PLPPR5: variants seen among roughly 807,000 people sequenced by gnomAD.
The protein encoded by PLPPR5 is phospholipid phosphatase related 5, also known as phospholipid phosphatase-related protein type 5.
A neutral mutation model predicts 33.9 loss-of-function variants in PLPPR5; 16 were observed. The ratio of observed to expected loss-of-function variants is 0.47; its 90% CI spans 0.32 to 0.72. PLPPR5 has a LOEUF of 0.72. PLPPR5 is among the 30% of genes least tolerant of loss of function. PLPPR5 has a pLI of 0.03. For synonymous variants in PLPPR5, 163 were observed against 150.3 expected, an observed-to-expected ratio of 1.08 and a Z score of -0.62; for missense variants, 301 against 406.7, an observed-to-expected ratio of 0.74 and a Z score of 2.23.
chr1:98,928,548 C>CATATAT (rs60624111), intron 3 of PLPPR5, among the ~76,000 whole-genome samples: 2,064 of 73,840 alleles, frequency 0.028, 200 homozygotes, highest in African/African-American at 0.075. Context: ...AGTTTTAAAT[C>CATATAT]ATATATATAT....
intron 3 of PLPPR5, among the ~76,000 whole-genome samples, chr1:98,922,493 A>G (rs1202255978): frequency 6.6e-6 from 1 of 152,172 alleles, no homozygotes; most frequent in Non-Finnish European, 1.5e-5. Flanking sequence ...CCATATTTAG[A>G]GGACACATAC....
chr1:98,905,984 G>A (rs1182468178), intron 5 of PLPPR5, among the ~76,000 whole-genome samples: 1 of 152,024 alleles, frequency 6.6e-6, no homozygotes, highest in Non-Finnish European at 1.5e-5. Context: ...TGCATCCAAT[G>A]TTATGCAGAC....
chr1:98,940,363 C>T (rs1175357427), intron 3 of PLPPR5, among the ~76,000 whole-genome samples: 1 of 151,908 alleles, frequency 6.6e-6, no homozygotes, highest in East Asian at 1.9e-4. Flanking sequence ...GGCCTTACCC[C>T]TTCATGATCT....
At chr1:98,952,426 G>A (rs1650824668) in intron 3 of PLPPR5, among the ~76,000 whole-genome samples, 1 of 152,146 alleles carries the variant, frequency 6.6e-6, no homozygotes, top group African/African-American at 2.4e-5. Context: ...TGCCAAAGCT[G>A]CCCTTCTTTT....
chr1:98,902,093 C>A (rs1343784222), intron 5 of PLPPR5, among the ~76,000 whole-genome samples: 3 of 152,100 alleles, frequency 2.0e-5, no homozygotes, highest in Non-Finnish European at 1.5e-5. Flanking sequence ...ATTACTTAAC[C>A]TATGTCCCTT....
At chr1:98,909,050 TAGAAAGAAGGAAA>T (rs959356735) in intron 5 of PLPPR5, among the ~76,000 whole-genome samples, 2 of 151,078 alleles carry the variant, frequency 1.3e-5, no homozygotes, top group African/African-American at 4.9e-5. Flanking sequence ...TATTTCATTG[TAGAAAGAAGGAAA>T]AGAAGGAAGG....
At chr1:98,920,228 G>C (rs1649495610) in intron 4 of PLPPR5, among the ~76,000 whole-genome samples, 1 of 152,070 alleles carries the variant, frequency 6.6e-6, no homozygotes, top group South Asian at 2.1e-4. Flanking sequence ...TGGAAGTATA[G>C]GGAAGGTGGC....
rs79491927 is a variant in PLPPR5, at chr1:98,916,747, C to A, written c.799-1827G>T. On this transcript the variant is annotated intron_variant, in intron 4 of 5. Transcript: ENST00000263177. ...GCCAACAATAACAACGATGATTATT[C>A]TTCTTACTCTTAGTATTTTAATTAT... is the stretch of plus-strand genomic sequence containing the variant. 7.5e-3 allele frequency among the ~76,000 whole-genome samples: 1,142 copies of A among 152,248 alleles called. 13 individuals carry two copies. Among genetic ancestry groups the A allele is most frequent in the African/African-American group, 0.025 (1,038 of 41,544 alleles).
chr1:98,972,508 C>T (rs1375230834), intron 1 of PLPPR5, among the ~76,000 whole-genome samples: 3 of 151,924 alleles, frequency 2.0e-5, no homozygotes, highest in African/African-American at 7.3e-5. Flanking sequence ...TGTTTAAAGC[C>T]TATTTAACAT....
chr1:98,911,539 A>T (rs1649149089), intron 5 of PLPPR5, among the ~76,000 whole-genome samples: 1 of 152,186 alleles, frequency 6.6e-6, no homozygotes, highest in South Asian at 2.1e-4. Flanking sequence ...CTTTTAAATA[A>T]TTTAATAGAT....
At chr1:98,989,321 G>T (rs76122541) in intron 1 of PLPPR5, among the ~76,000 whole-genome samples, 1,770 of 151,960 alleles carry the variant, frequency 0.012, 20 homozygotes, top group African/African-American at 0.023. Flanking sequence ...TACTCTCCTT[G>T]GTATACTGTA....
intron 5 of PLPPR5, among the ~76,000 whole-genome samples, chr1:98,902,863 G>T (rs1297259148): frequency 6.6e-6 from 1 of 152,110 alleles, no homozygotes; most frequent in Non-Finnish European, 1.5e-5. Context: ...AGATGAGAAA[G>T]CTTCTAGTCT....
At position 99,004,421 on chromosome 1, in the gene PLPPR5, GC is replaced by G. The variant is rs768804042; in HGVS notation, c.237+13del. The G allele has an allele frequency of 2.5e-6, 4 of 1,578,350 alleles. No individual in the cohort carries two copies. The South Asian group carries it at 3.4e-5, about 13-fold the overall frequency. On this transcript the variant is annotated intron_variant, in intron 1 of 5. Coordinates refer to ENST00000263177, the MANE Select transcript of PLPPR5 (RefSeq NM_001037317.2). ...CAGGGACTCGGCGACGAGGGCGAGC[GC>G]CCCCGGGCTTACCACGAGCACGGGG...
intron 3 of PLPPR5, among the ~76,000 whole-genome samples, chr1:98,946,317 C>T (rs143153945): frequency 5.6e-4 from 85 of 152,260 alleles, no homozygotes; most frequent in Non-Finnish European, 1.0e-3. Flanking sequence ...GGAATTGAAT[C>T]AAACACAGCC....
chr1:98,903,046 T>C (rs967179675), intron 5 of PLPPR5, among the ~76,000 whole-genome samples: 1 of 152,084 alleles, frequency 6.6e-6, no homozygotes, highest in Non-Finnish European at 1.5e-5. Context: ...GGCAAAATAA[T>C]AACAGAATGT....
At chr1:98,898,020 C>A (rs947659565) in intron 5 of PLPPR5, among the ~76,000 whole-genome samples, 1 of 151,970 alleles carries the variant, frequency 6.6e-6, no homozygotes, top group Admixed American at 6.6e-5. Flanking sequence ...AAATAAAGCT[C>A]ACTATTTGAA....
rs1490857112 is a variant in PLPPR5 at position 98,914,797 on chromosome 1, T to C, written c.922A>G (p.Thr308Ala). 5 of 1,612,734 alleles carry C rather than the reference T, an allele frequency of 3.1e-6. No homozygotes were observed. The highest frequency in any genetic ancestry group is 3.4e-6 in the Non-Finnish European group (4 of 1,179,456). The change falls in exon 5 of 6, where the codon ACA becomes GCA. Residue 308 changes from threonine to alanine, a missense_variant. Transcript: ENST00000263177. ...PRVESPLEKV[T>A]SVQNHITAFA... ...AAATTGTGAGTCACCTGTACAGATG[T>C]TACCTTTTCCAAAGGACTTTCTACT...
rs183628339 is a variant in PLPPR5, at chr1:98,919,376, T to C, written c.798+2506A>G. On this transcript the variant is annotated intron_variant, in intron 4 of 5. Transcript: ENST00000263177. ...GGTCTGGGTTCCTTTAACTGAGACA[T>C]AGAGACCTGGAGTAGATTAGCATTA... 5.4e-4 allele frequency among the ~76,000 whole-genome samples: 82 copies of C among 152,256 alleles called. 2 individuals are homozygous for C. In the East Asian group the frequency reaches 7.7e-3, roughly 14 times the overall value.
chr1:98,968,594 A>G (rs1651536362), intron 1 of PLPPR5, among the ~76,000 whole-genome samples: 1 of 152,066 alleles, frequency 6.6e-6, no homozygotes, highest in African/African-American at 2.4e-5. Flanking sequence ...AATTCTGGTG[A>G]AAAAACATCA....
Sources: allele counts gnomAD v4.1 joint callset (sites outside exome capture counted in the v4.1 genomes callset), GRCh38; gene constraint gnomAD v4.1.1; transcripts MANE v1.5; gene names NCBI Gene and HGNC (gene_info 2026-07-23, HGNC 2026-07-21).